The following CPSF3 variants were observed in gnomAD, a reference collection of about 807,000 sequenced individuals.
CPSF3 encodes cleavage and polyadenylation specific factor 3.
Under a neutral mutation model 84.1 loss-of-function variants are expected in CPSF3, and 57 were observed. The observed-to-expected ratio is 0.68, with a 90% CI of 0.55 to 0.85. The LOEUF (loss-of-function observed/expected upper bound fraction) is 0.85, where lower values mean the gene tolerates loss of function less well. Among genes scored for constraint, CPSF3 ranks in the 40% least tolerant of loss-of-function variants. CPSF3 has a pLI of 0.00. For missense variants in CPSF3, 522 were observed against 838.8 expected, an observed-to-expected ratio of 0.62 and a Z score of 4.66; for synonymous variants, 275 against 278.1, an observed-to-expected ratio of 0.99 and a Z score of 0.11.
Position 9,441,932 on chromosome 2 carries a change from G to A in CPSF3, c.1051G>A (p.Gly351Ser). The A allele has an allele frequency of 1.9e-6, 3 of 1,614,182 alleles. No homozygotes were observed. The highest frequency in any genetic ancestry group is 2.5e-6 in the Non-Finnish European group (3 of 1,180,030). ...AAGCTGGTGTACTGATAAGAGGAAT[G>A]GTGTCATTATAGCGGGATACTGTGT... The part of the protein sequence containing the change: ...FESWCTDKRN[G>S]VIIAGYCVEG... Residue 351 changes from glycine (G) to serine (S), a missense_variant, in exon 9 of 18, where the codon GGT becomes AGT. By Grantham distance (56) the Gly-to-Ser change is moderately conservative. Transcript: ENST00000238112.
chr2:9,454,762 T>G (rs1419974116), intron 12 of CPSF3, among the ~76,000 whole-genome samples: 1 of 151,920 alleles, frequency 6.6e-6, no homozygotes, highest in Non-Finnish European at 1.5e-5. Context: ...GCCAGGATGG[T>G]CTCGATCTCC....
intron 7 of CPSF3, among the ~76,000 whole-genome samples, chr2:9,439,343 A>G (rs955134858): frequency 4.6e-5 from 7 of 152,054 alleles, no homozygotes; most frequent in African/African-American, 1.7e-4. Flanking sequence ...CATGGTGGCC[A>G]GCGCCTGTAG....
At chr2:9,430,907 G>C in intron 4 of CPSF3, 27 bp downstream of exon 4, 1 of 1,597,336 alleles carries the variant, frequency 6.3e-7, no homozygotes, top group Non-Finnish European at 8.6e-7. Context: ...GATTATACAC[G>C]ACTTTGGCTC....
At chr2:9,442,622 G>A (rs981400423) in intron 9 of CPSF3, among the ~76,000 whole-genome samples, 2 of 152,062 alleles carry the variant, frequency 1.3e-5, no homozygotes, top group African/African-American at 2.4e-5. Flanking sequence ...AGGCCAAGGC[G>A]GGCGGATCAC....
intron 3 of CPSF3, among the ~76,000 whole-genome samples, chr2:9,430,264 T>G (rs1227047623): frequency 6.6e-6 from 1 of 152,236 alleles, no homozygotes; most frequent in Non-Finnish European, 1.5e-5. Flanking sequence ...AGTACAGAAC[T>G]TGAATCATTG....
rs768737456 is a variant in CPSF3 at position 9,455,746 on chromosome 2, A to G, written c.1592A>G (p.Gln531Arg). ...TTTAATTTGCTCTGTTACCAGCTGC[A>G]GAAATTGACAGGTGTGTGTGTGTAC... is the stretch of plus-strand genomic sequence containing the variant. Reference protein sequence around the residue: ...GPFNLLCYQLQKLTGDVEELE... With the variant: ...GPFNLLCYQLRKLTGDVEELE... The change falls in exon 13 of 18, where the codon CAG becomes CGG. Residue 531 changes from glutamine to arginine, a missense_variant. By Grantham distance (43) the Gln-to-Arg change is conservative (BLOSUM62 1). This residue lies in a region of CPSF3 where 193 missense variants were observed against 231.6 expected (regional missense o/e 0.83). Transcript: ENST00000238112. 6.2e-7 allele frequency: 1 copy of G among 1,612,250 alleles called. No homozygotes were observed. Among genetic ancestry groups the G allele is most frequent in the Admixed American group, 1.7e-5 (1 of 59,988 alleles).
chr2:9,443,479 G>C, intron 9 of CPSF3, 36 bp from the exon 10 acceptor site: 1 of 1,587,022 alleles, frequency 6.3e-7, no homozygotes, highest in African/African-American at 1.3e-5. Context: ...TTATAACTGG[G>C]TAGTTTGTTT....
intron 15 of CPSF3, among the ~76,000 whole-genome samples, chr2:9,465,728 C>T (rs536841389): frequency 1.3e-5 from 2 of 152,346 alleles, no homozygotes; most frequent in South Asian, 4.1e-4. Flanking sequence ...GCTCAGCTGG[C>T]CTTCACTTCC....
intron 7 of CPSF3, among the ~76,000 whole-genome samples, chr2:9,439,452 G>A (rs1473147163): frequency 1.1e-4 from 15 of 133,212 alleles, no homozygotes; most frequent in Admixed American, 5.0e-4. Flanking sequence ...CAGCCTGGGC[G>A]ACAGAGTGAG....
chr2:9,465,930 CATT>C (rs1161920120), intron 15 of CPSF3, among the ~76,000 whole-genome samples: 3 of 152,184 alleles, frequency 2.0e-5, no homozygotes, highest in Non-Finnish European at 2.9e-5. Context: ...TTTGTAACAG[CATT>C]ATTGATACAT....
intron 10 of CPSF3, among the ~76,000 whole-genome samples, chr2:9,446,497 C>T (rs775322079): frequency 2.0e-5 from 3 of 147,776 alleles, no homozygotes; most frequent in South Asian, 2.1e-4. Flanking sequence ...AGGAGAATGG[C>T]GTGAACCTGG....
chr2:9,430,494 T>A (rs1279645150), intron 3 of CPSF3, among the ~76,000 whole-genome samples: 1 of 152,236 alleles, frequency 6.6e-6, no homozygotes, highest in African/African-American at 2.4e-5. Context: ...AGGAGTAGGC[T>A]TGGGATATTC....
intron 3 of CPSF3, among the ~76,000 whole-genome samples, 187 bp downstream of exon 3, chr2:9,430,207 C>A (rs1253294112): frequency 6.6e-6 from 1 of 152,220 alleles, no homozygotes; most frequent in Non-Finnish European, 1.5e-5. Context: ...CTATGAAAAA[C>A]TTACCTACCT....
intron 7 of CPSF3, among the ~76,000 whole-genome samples, chr2:9,438,130 C>T (rs1297543620): frequency 6.6e-6 from 1 of 152,204 alleles, no homozygotes; most frequent in African/African-American, 2.4e-5. Context: ...AAAATAGTAT[C>T]CCTGTCACAC....
chr2:9,458,102 A>C (rs977345342), intron 14 of CPSF3, among the ~76,000 whole-genome samples: 1 of 152,236 alleles, frequency 6.6e-6, no homozygotes, highest in Non-Finnish European at 1.5e-5. Context: ...TAAGGCTAAA[A>C]GCAACTAAAG....
At chr2:9,453,132 A>G in intron 12 of CPSF3, 111 bp downstream of exon 12, 1 of 624,242 alleles carries the variant, frequency 1.6e-6, no homozygotes, top group South Asian at 3.1e-5. Flanking sequence ...CAAATAATAA[A>G]AAAGGAATGA....
chr2:9,463,772 C>A (rs1337525161), intron 15 of CPSF3, among the ~76,000 whole-genome samples: 1 of 152,306 alleles, frequency 6.6e-6, no homozygotes, highest in East Asian at 1.9e-4. Context: ...ACACCTAGCC[C>A]GCCTGCTTTG....
chr2:9,454,539 C>CTTTTTTTT (rs36115189), intron 12 of CPSF3, among the ~76,000 whole-genome samples: 1 of 87,980 alleles, frequency 1.1e-5, no homozygotes, highest in East Asian at 2.4e-4. Flanking sequence ...CTCTTATACT[C>CTTTTTTTT]TTTTTTTTTT....
At chr2:9,454,607 C>T (rs1306202619) in intron 12 of CPSF3, among the ~76,000 whole-genome samples, 1 of 145,970 alleles carries the variant, frequency 6.9e-6, no homozygotes, top group Non-Finnish European at 1.5e-5. Flanking sequence ...CAGTGGCGTG[C>T]CGTCTCTGCT....
Sources: gnomAD v4.1 joint callset for allele counts (sites outside exome capture counted in the v4.1 genomes callset) on GRCh38, gnomAD v4.1.1 for gene constraint, gnomAD v4.1.1 regional missense constraint, MANE v1.5 for transcripts, NCBI Gene and HGNC (gene_info 2026-07-23, HGNC 2026-07-21) for gene names.